The following KIF16B variants were observed in gnomAD, a reference collection of about 807,000 sequenced individuals.
The protein encoded by KIF16B is kinesin family member 16B, also known as kinesin-like protein KIF16B.
In KIF16B, 98 loss-of-function variants were observed where a neutral mutation model predicts 156.3. The observed-to-expected ratio is 0.63, with a 90% confidence interval of 0.53 to 0.74. The LOEUF (loss-of-function observed/expected upper bound fraction) is 0.74. KIF16B is among the 30% of genes least tolerant of loss of function. The pLI is 0.00. For synonymous variants in KIF16B, 564 were observed against 583.7 expected (o/e 0.97, Z 0.49); for missense variants, 1,421 against 1,606.5 (o/e 0.88, Z 1.97).
chr20:16,426,619 T>G (rs1342019971), intron 15 of KIF16B, among the ~76,000 whole-genome samples: 2 of 152,146 alleles, frequency 1.3e-5, no homozygotes, highest in Non-Finnish European at 2.9e-5. Flanking sequence ...AGGGCACTAT[T>G]TACTTTCCAA....
intron 10 of KIF16B, among the ~76,000 whole-genome samples, chr20:16,502,962 C>T (rs2068667697): frequency 1.3e-5 from 2 of 152,166 alleles, no homozygotes; most frequent in South Asian, 4.1e-4. Context: ...CACCTGTAAT[C>T]CCAACACTTT....
chr20:16,452,694 G>C (rs1305933086), intron 12 of KIF16B, among the ~76,000 whole-genome samples: 1 of 152,022 alleles, frequency 6.6e-6, no homozygotes, highest in Non-Finnish European at 1.5e-5. Flanking sequence ...AATTAGCTGG[G>C]CGTGGTGGTG....
At chr20:16,364,993 T>C (rs2144892) in intron 22 of KIF16B, among the ~76,000 whole-genome samples, 49,539 of 152,132 alleles carry the variant, frequency 0.33, 8,408 homozygotes, top group East Asian at 0.64. Context: ...TAACACTCTT[T>C]GTTAAAATTA....
At chr20:16,274,183 T>C (rs978757690) in intron 25 of KIF16B, among the ~76,000 whole-genome samples, 1 of 152,082 alleles carries the variant, frequency 6.6e-6, no homozygotes, top group African/African-American at 2.4e-5. Context: ...ATCCTTCTTA[T>C]AAAATAAAGG....
At chr20:16,558,009 G>A (rs930881558) in intron 1 of KIF16B, among the ~76,000 whole-genome samples, 4 of 152,128 alleles carry the variant, frequency 2.6e-5, no homozygotes, top group Non-Finnish European at 4.4e-5. Context: ...TGCTGTAAAC[G>A]AGGAAAAATA....
At position 16,411,929 on chromosome 20, in the gene KIF16B, CGTGTGTGTGTGTGTGT is replaced by C. The variant is rs36019156; in HGVS notation, c.1613-5489_1613-5474del. ...CGGATTTCTGATGAGGAATGTTCAACGTGTGTGTGTGTGTGTGTGTGTGTGTGTGTGTGTGTGTGTG... is the reference window on the plus strand; with the variant it reads ...CGGATTTCTGATGAGGAATGTTCAACGTGTGTGTGTGTGTGTGTGTGTGTG... On this transcript the variant is annotated intron_variant, in intron 15 of 25. Coordinates refer to ENST00000354981, the MANE Select transcript of KIF16B (RefSeq NM_024704.5). Among the ~76,000 whole-genome samples, 44 of 134,104 alleles carry C rather than the reference CGTGTGTGTGTGTGTGT, an allele frequency of 3.3e-4. 1 individual carries two copies. The highest frequency in any genetic ancestry group is 9.2e-4 in the African/African-American group (32 of 34,910). The allele number at this position is 134,104 out of a possible 152,430, so 88.0% of individuals were successfully genotyped here.
chr20:16,376,286 G>C (rs2064949112), intron 19 of KIF16B, among the ~76,000 whole-genome samples: 1 of 152,206 alleles, frequency 6.6e-6, no homozygotes. Flanking sequence ...CCTGATCCAT[G>C]TCAATGGGGC....
At position 16,486,834 on chromosome 20, in the gene KIF16B, T is replaced by C. The variant is rs1190684551; in HGVS notation, c.1302+7457A>G. On this transcript the variant is annotated intron_variant, in intron 12 of 25. Coordinates refer to ENST00000354981, the MANE Select transcript of KIF16B (RefSeq NM_024704.5). ...AAAGAGTTGCTGGTAAGGAAGCTGG[T>C]AACCCATGGCTGAAAGAAATGTCTC... 2.6e-5 allele frequency among the ~76,000 whole-genome samples: 4 copies of C among 152,194 alleles called. No homozygotes were observed. The East Asian group carries it at 7.7e-4, about 29-fold the overall frequency.
At chr20:16,487,054 T>A (rs1318519631) in intron 12 of KIF16B, among the ~76,000 whole-genome samples, 1 of 151,860 alleles carries the variant, frequency 6.6e-6, no homozygotes, top group African/African-American at 2.4e-5. Flanking sequence ...GAGATTGAGA[T>A]CATCTTGGCT....
chr20:16,466,948 G>T (rs2067509015), intron 12 of KIF16B, among the ~76,000 whole-genome samples: 2 of 152,170 alleles, frequency 1.3e-5, no homozygotes, highest in South Asian at 4.1e-4. Context: ...GGAGGAGGGG[G>T]CATGCTTTTG....
intron 24 of KIF16B, among the ~76,000 whole-genome samples, 194 bp from the exon 25 acceptor site, chr20:16,312,612 C>T (rs554063029): frequency 6.6e-6 from 1 of 152,260 alleles, no homozygotes; most frequent in Admixed American, 6.5e-5. Context: ...GGTCACATTC[C>T]CCAGTGGTCA....
At chr20:16,376,569 A>G (rs1174939409) in intron 19 of KIF16B, among the ~76,000 whole-genome samples, 1 of 152,224 alleles carries the variant, frequency 6.6e-6, no homozygotes, top group African/African-American at 2.4e-5. Context: ...CAGAGCAGAG[A>G]GCCCGGAATC....
chr20:16,291,349 G>A (rs6111019), intron 25 of KIF16B, among the ~76,000 whole-genome samples: 4 of 152,254 alleles, frequency 2.6e-5, no homozygotes, highest in African/African-American at 9.6e-5. Flanking sequence ...AGAAGTTGCT[G>A]TAGACAAAAA....
Position 16,428,958 on chromosome 20 carries a change from T to G in KIF16B, c.1469A>C (p.Asp490Ala). 1 of 1,613,290 alleles carries G rather than the reference T, an allele frequency of 6.2e-7. No individual in the cohort carries two copies. Among genetic ancestry groups the G allele is most frequent in the South Asian group, 1.1e-5 (1 of 91,054 alleles). ...TCACTGATAAATATGCTCACCAATA[T>G]CTTGCTCCGTGGAAGCATCGTCTCT... Reference protein sequence around the residue: ...VGRDDASTEQDIVLHGLDLES... With the variant: ...VGRDDASTEQAIVLHGLDLES... Residue 490 changes from aspartate (D) to alanine (A), a missense_variant, in exon 14 of 26, where the codon GAT (aspartate) becomes GCT (alanine). By Grantham distance (126) the Asp-to-Ala change is moderately radical. Transcript: ENST00000354981.
intron 10 of KIF16B, among the ~76,000 whole-genome samples, chr20:16,503,051 CA>C (rs2068671847): frequency 6.6e-6 from 1 of 151,912 alleles, no homozygotes; most frequent in Non-Finnish European, 1.5e-5. Context: ...CCGTCTCTAC[CA>C]AAAATACAAA....
intron 25 of KIF16B, among the ~76,000 whole-genome samples, chr20:16,311,925 C>G (rs1273144784): frequency 2.0e-5 from 3 of 152,132 alleles, no homozygotes; most frequent in African/African-American, 7.2e-5. Context: ...AGGTATGTGT[C>G]TTTTTGCTTC....
At chr20:16,494,264 G>T in intron 12 of KIF16B, 27 bp downstream of exon 12, 3 of 1,380,130 alleles carry the variant, frequency 2.2e-6, no homozygotes, top group Non-Finnish European at 3.0e-6. Context: ...ACCATAGTAA[G>T]ACTAAACACA....
intron 25 of KIF16B, among the ~76,000 whole-genome samples, chr20:16,311,258 G>A (rs1047484925): frequency 6.6e-6 from 1 of 152,200 alleles, no homozygotes; most frequent in African/African-American, 2.4e-5. Context: ...AGAGATGGAG[G>A]CGGGAGGATG....
At chr20:16,401,648 C>G (rs2065659147) in intron 17 of KIF16B, among the ~76,000 whole-genome samples, 1 of 152,196 alleles carries the variant, frequency 6.6e-6, no homozygotes, top group Non-Finnish European at 1.5e-5. Flanking sequence ...AGGAAGTATA[C>G]ATAAGCAGAG....
Sources: gnomAD v4.1 joint callset for allele counts (sites outside exome capture counted in the v4.1 genomes callset) on GRCh38, gnomAD v4.1.1 for gene constraint, MANE v1.5 for transcripts, NCBI Gene and HGNC (gene_info 2026-07-23, HGNC 2026-07-21) for gene names.